EIF2D: variants seen among roughly 807,000 people sequenced by gnomAD.
EIF2D encodes eukaryotic translation initiation factor 2D, also known as hepatocellular carcinoma-associated antigen 56.
Under a neutral mutation model 77.4 loss-of-function variants are expected in EIF2D, and 56 were observed. The observed-to-expected ratio is 0.72, with a 90% CI of 0.58 to 0.90. The LOEUF is 0.90. Ranked by LOEUF, EIF2D falls within the 40% of genes least tolerant of loss-of-function variation. EIF2D has a pLI of 0.00. For synonymous variants in EIF2D, 230 were observed against 271.0 expected (o/e 0.85, Z 1.49); for missense variants, 574 against 706.5 (o/e 0.81, Z 2.13).
At chr1:206,594,024 G>GT in intron 13 of EIF2D, 1 of 360,436 alleles carries the variant, frequency 2.8e-6, no homozygotes, top group Non-Finnish European at 5.0e-6. Flanking sequence ...GATACTCTCT[G>GT]TATCACACAG....
chr1:206,592,876 C>T lies in EIF2D; in HGVS notation c.1684+743G>A, dbSNP rs888531314. Among the ~76,000 whole-genome samples, 20 of 151,950 alleles carry T rather than the reference C, an allele frequency of 1.3e-4. No individual in the cohort carries two copies. Among genetic ancestry groups the T allele is most frequent in the African/African-American group, 4.4e-4 (18 of 41,358 alleles). ...TAGCACTTTGGGAGGCCGAGGCAGG[C>T]GGATCATCTGAGGTCAGGAGTTCAA... is the stretch of plus-strand genomic sequence containing the variant. On this transcript the variant is annotated intron_variant, in intron 14 of 14. Coordinates refer to ENST00000271764, the MANE Select transcript of EIF2D (RefSeq NM_006893.3). This position sits in a 1 kb window ranked among gnomAD's most constrained non-coding sequence, Gnocchi z 4.7.
intron 2 of EIF2D, chr1:206,586,482 C>G (rs1669115063): frequency 8.8e-6 from 2 of 228,356 alleles, no homozygotes; most frequent in Non-Finnish European, 1.7e-5. Context: ...ACTCCTCCAC[C>G]TGCTTTCTGA....
chr1:206,602,054 C>G (rs576071871), intron 7 of EIF2D: 7 of 362,210 alleles, frequency 1.9e-5, no homozygotes, highest in Non-Finnish European at 2.5e-5. Flanking sequence ...AGAACCCCCA[C>G]GGCAGAGGCA....
chr1:206,599,223 C>G lies in EIF2D; in HGVS notation c.1203-131G>C, dbSNP rs1470237911. 4 of 935,720 alleles carry G rather than the reference C, an allele frequency of 4.3e-6. No individual in the cohort carries two copies. The highest frequency in any genetic ancestry group is 1.7e-5 in the African/African-American group (1 of 60,336). The allele number at this position is 935,720 out of a possible 1,614,324, so 58.0% of individuals were successfully genotyped here. A position where few individuals can be genotyped will look rare whatever the true frequency, so the allele number is the denominator to read the frequency against. On this transcript the variant is annotated intron_variant, in intron 10 of 14. Transcript: ENST00000271764. This position sits in a 1 kb window ranked among gnomAD's most constrained non-coding sequence, Gnocchi z 4.1. ...TCGGCCTCTAGTTTCTTCCCTTTTC[C>G]TGACTGAAGTGAGCATGACCATGTG...
intron 13 of EIF2D, chr1:206,594,762 C>T (rs1572389872): frequency 6.6e-6 from 1 of 152,068 alleles, no homozygotes; most frequent in South Asian, 2.1e-4. Flanking sequence ...TATGAAGCAC[C>T]AATTTCAATT....
downstream of EIF2D, among the ~76,000 whole-genome samples, chr1:206,570,711 G>A (rs559023384): frequency 6.6e-5 from 10 of 152,144 alleles, no homozygotes; most frequent in African/African-American, 1.4e-4. Context: ...GTTCATCCAC[G>A]TGATAGCATG....
At position 206,599,083 on chromosome 1, in the gene EIF2D, G is replaced by A. The variant is rs1197629339; in HGVS notation, c.1212C>T (p.Ser404=). Residue 404 remains serine (S), a synonymous_variant, in exon 11 of 15, where the codon AGC becomes AGT. Coordinates refer to ENST00000271764, the MANE Select transcript of EIF2D (RefSeq NM_006893.3). This position sits in a 1 kb window ranked among gnomAD's most constrained non-coding sequence, Gnocchi z 4.1. ...TTCGGACCTCACTGCCCTCCAGAAA[G>A]CTCCCCTTCCTAGGTGAGGAGAAGT... ...LFQESGHKKG[S]FLEGSEVRTI... 1 of 1,614,106 alleles carries A rather than the reference G, an allele frequency of 6.2e-7. No homozygotes were observed. The highest frequency in any genetic ancestry group is 2.2e-5 in the East Asian group (1 of 44,884).
intron 13 of EIF2D, 34 bp from the exon 14 acceptor site, chr1:206,593,827 G>T (rs782184231): frequency 6.4e-7 from 1 of 1,569,538 alleles, no homozygotes; most frequent in Admixed American, 1.7e-5. Context: ...ACTGACGGTG[G>T]TGACTGCATT....
intron 5 of EIF2D, among the ~76,000 whole-genome samples, chr1:206,604,125 G>A (rs1335831755): frequency 6.6e-6 from 1 of 152,120 alleles, no homozygotes; most frequent in Non-Finnish European, 1.5e-5. Context: ...ACCAGCAAAG[G>A]AGGACTTGGC....
At chr1:206,609,264 A>C in intron 3 of EIF2D, 112 bp downstream of exon 3, 1 of 1,064,432 alleles carries the variant, frequency 9.4e-7, no homozygotes, top group Non-Finnish European at 1.4e-6. Flanking sequence ...ATAGGGGAAA[A>C]AATTCCATTT....
In EIF2D at chr1:206,599,973, G is replaced by A. The variant is rs1378755090; in HGVS notation, c.949-137C>T. ...CCCCTGCCTTCATCAACCAGGAACT[G>A]GGAGGCCCCCAACCTGAGGGCCAGG... On this transcript the variant is annotated intron_variant, in intron 8 of 14. Transcript: ENST00000271764. The surrounding 1 kb of genome is among the most constrained non-coding windows in gnomAD (Gnocchi z 4.1). 2.3e-6 allele frequency: 2 copies of A among 861,792 alleles called. No individual in the cohort carries two copies. The highest frequency in any genetic ancestry group is 3.6e-6 in the Non-Finnish European group (2 of 563,128). The allele number at this position is 861,792 out of a possible 1,614,324, so 53.4% of individuals were successfully genotyped here.
chr1:206,580,727 C>T (rs566711849), exon 4 of EIF2D: 2 of 152,352 alleles, frequency 1.3e-5, no homozygotes, highest in Admixed American at 1.3e-4. Flanking sequence ...GCTGCTTGCC[C>T]TTGGGTGGTC....
At chr1:206,574,439 G>A (rs1329044363) in intron 4 of EIF2D, among the ~76,000 whole-genome samples, 3 of 152,242 alleles carry the variant, frequency 2.0e-5, no homozygotes, top group Admixed American at 1.3e-4. Context: ...TACTACTGGC[G>A]GACTGTTGAC....
chr1:206,591,490 T>C (rs1200010818), downstream of EIF2D, among the ~76,000 whole-genome samples: 1 of 152,142 alleles, frequency 6.6e-6, no homozygotes, highest in Non-Finnish European at 1.5e-5. Context: ...CTGAATGGGC[T>C]GGCCTGCCTG....
In EIF2D at chr1:206,599,737, G is replaced by A; in HGVS notation, c.1048C>T (p.Pro350Ser). The change falls in exon 9 of 15, where the codon CCG becomes TCG. Residue 350 changes from proline to serine, a missense_variant. Physicochemically the swap from Pro to Ser is moderately conservative, Grantham distance 74. Transcript: ENST00000271764. This position sits in a 1 kb window ranked among gnomAD's most constrained non-coding sequence, Gnocchi z 4.1. ...TGACAGGCCCCCTGCACTCACCTCG[G>A]GTGTTTCCAGTCCACAGCCACAATG... ...ESIVAVDWKH[P>S]RITSFVIPEP... is the part of the protein sequence containing the mutation. The A allele has an allele frequency of 6.2e-7, 1 of 1,614,110 alleles. No individual in the cohort carries two copies. Among genetic ancestry groups the A allele is most frequent in the South Asian group, 1.1e-5 (1 of 91,076 alleles).
chr1:206,595,683 C>G, intron 13 of EIF2D, 35 bp downstream of exon 13: 5 of 1,602,916 alleles, frequency 3.1e-6, no homozygotes, highest in Non-Finnish European at 4.3e-6. Context: ...AACATTAAAT[C>G]ACTATCCTTG....
chr1:206,593,508 A>AGTGTGTGTGCGC, intron 14 of EIF2D, 111 bp downstream of exon 14: 1 of 398,390 alleles, frequency 2.5e-6, no homozygotes, highest in Non-Finnish European at 4.3e-6. Context: ...AGAGAGAGAG[A>AGTGTGTGTGCGC]GTGTGTGTGT....
Position 206,584,522 on chromosome 1 carries a change from A to G in EIF2D, c.139-3360T>C. 8 of 1,614,130 alleles carry G rather than the reference A, an allele frequency of 5.0e-6. No homozygotes were observed. The highest frequency in any genetic ancestry group is 5.9e-6 in the Non-Finnish European group (7 of 1,180,008). ...GGTGAACCTGGCGGCTACCACGGAC[A>G]AGCGGACATCCTTCTACCTGCCCCT... On this transcript the variant is annotated intron_variant and NMD_transcript_variant, in intron 2 of 5. Transcript: ENST00000472709. The surrounding 1 kb of genome is among the most constrained non-coding windows in gnomAD (Gnocchi z 4.9).
rs1472561132 is a variant in EIF2D at position 206,612,349 on chromosome 1, TG to T, written c.-8del. 1.2e-6 allele frequency: 2 copies of T among 1,614,102 alleles called. No homozygotes were observed. The highest frequency in any genetic ancestry group is 2.7e-5 in the African/African-American group (2 of 74,932). On this transcript the variant is annotated 5_prime_UTR_variant, in exon 1 of 15. Transcript: ENST00000271764. ...GAAAGGCCTTGGCAAACATGTCTGC[TG>T]GGGTGGCCTGGGGAAGAGAGCACAG...
Sources: allele counts gnomAD v4.1 joint callset (sites outside exome capture counted in the v4.1 genomes callset), GRCh38; gene constraint gnomAD v4.1.1; non-coding constraint Gnocchi (gnomAD v3.1); transcripts MANE v1.5; gene names NCBI Gene and HGNC (gene_info 2026-07-23, HGNC 2026-07-21).